The following IPO11 variants were observed in gnomAD, a reference collection of about 807,000 sequenced individuals.
The protein encoded by IPO11 is importin 11.
Under a neutral mutation model 143.2 loss-of-function variants are expected in IPO11, and 66 were observed. The observed-to-expected ratio is 0.46, with a 90% CI of 0.38 to 0.57. The LOEUF is 0.57. Among genes scored for constraint, IPO11 ranks in the 20% least tolerant of loss-of-function variants. The probability of loss-of-function intolerance (pLI) is 0.00; values close to 1 mark genes in which losing one functional copy is unlikely to be tolerated. For synonymous variants in IPO11, 385 were observed against 377.8 expected (o/e 1.02, Z -0.22); for missense variants, 1,026 against 1,141.0 (o/e 0.90, Z 1.45).
intron 8 of IPO11, 149 bp from the exon 9 acceptor site, chr5:62,476,534 G>A (rs1268602433): frequency 1.3e-6 from 1 of 780,824 alleles, no homozygotes; most frequent in South Asian, 2.1e-5. Context: ...CTGTTACTCA[G>A]TGTAAATCTT....
chr5:62,598,692 G>A lies in IPO11; in HGVS notation c.2679-3072G>A, dbSNP rs975530806. ...CCCGAGTAGCTGGGATTACAGGCACGTGCCACCACGCCTGGCTAATTATTG... is the reference window on the plus strand; with the variant it reads ...CCCGAGTAGCTGGGATTACAGGCACATGCCACCACGCCTGGCTAATTATTG... On this transcript the variant is annotated intron_variant, in intron 28 of 29. Coordinates refer to ENST00000325324, the MANE Select transcript of IPO11 (RefSeq NM_016338.5). 1.5e-4 allele frequency among the ~76,000 whole-genome samples: 22 copies of A among 150,458 alleles called. 1 individual carries two copies. Among genetic ancestry groups the A allele is most frequent in the Admixed American group, 1.3e-3 (20 of 14,986 alleles).
At chr5:62,561,614 C>A (rs928235205) in intron 27 of IPO11, among the ~76,000 whole-genome samples, 7 of 152,158 alleles carry the variant, frequency 4.6e-5, no homozygotes, top group African/African-American at 1.7e-4. Context: ...AATAGCACTT[C>A]ATAAAGTATG....
intron 26 of IPO11, among the ~76,000 whole-genome samples, chr5:62,555,526 C>T (rs1743547259): frequency 1.5e-5 from 2 of 134,864 alleles, no homozygotes; most frequent in South Asian, 4.5e-4. Flanking sequence ...TTATTTGAGA[C>T]AGAGTCTTGC....
chr5:62,414,280 A>G (rs1047521750), intron 1 of IPO11, among the ~76,000 whole-genome samples: 1 of 152,250 alleles, frequency 6.6e-6, no homozygotes, highest in Non-Finnish European at 1.5e-5. Context: ...CTATTAAAAT[A>G]CACTGAAGAT....
intron 20 of IPO11, among the ~76,000 whole-genome samples, chr5:62,521,996 C>G (rs1742217064): frequency 6.6e-6 from 1 of 152,022 alleles, no homozygotes; most frequent in South Asian, 2.1e-4. Flanking sequence ...GTCTCTGTTT[C>G]TTTTAGGGTG....
At chr5:62,426,171 G>C (rs1743734342) in intron 1 of IPO11, among the ~76,000 whole-genome samples, 1 of 152,210 alleles carries the variant, frequency 6.6e-6, no homozygotes, top group Non-Finnish European at 1.5e-5. Context: ...TGGATCACCT[G>C]AGGTCAGGAG....
intron 24 of IPO11, among the ~76,000 whole-genome samples, chr5:62,547,797 G>A (rs1743256200): frequency 6.6e-6 from 1 of 151,992 alleles, no homozygotes; most frequent in Non-Finnish European, 1.5e-5. Context: ...GCCAGCCACA[G>A]CTATGTATTA....
At chr5:62,602,854 G>C (rs889591253) in intron 29 of IPO11, among the ~76,000 whole-genome samples, 3 of 152,190 alleles carry the variant, frequency 2.0e-5, no homozygotes, top group Admixed American at 6.5e-5. Flanking sequence ...ACTATTACTT[G>C]TGACCTTGAG....
At chr5:62,598,507 T>C (rs1389743410) in intron 28 of IPO11, among the ~76,000 whole-genome samples, 1 of 7,018 alleles carries the variant, frequency 1.4e-4, no homozygotes, top group Non-Finnish European at 2.0e-4. Flanking sequence ...TCTTTCTTTC[T>C]TTCTTTCTTT....
At chr5:62,571,479 A>C (rs556250715) in intron 27 of IPO11, among the ~76,000 whole-genome samples, 1 of 152,328 alleles carries the variant, frequency 6.6e-6, no homozygotes, top group Non-Finnish European at 1.5e-5. Context: ...TCTACTGTTA[A>C]ATCAATTTGA....
intron 16 of IPO11, among the ~76,000 whole-genome samples, chr5:62,502,609 C>T (rs1252037956): frequency 6.6e-6 from 1 of 152,096 alleles, no homozygotes; most frequent in Non-Finnish European, 1.5e-5. Context: ...TCTGCACATA[C>T]TACTACACTG....
At chr5:62,580,322 C>T in intron 27 of IPO11, 1 of 1,536,998 alleles carries the variant, frequency 6.5e-7, no homozygotes, top group Non-Finnish European at 8.8e-7. Context: ...AATTCTGACA[C>T]ATTCAGTTTG....
chr5:62,572,930 G>C (rs1057386737), intron 27 of IPO11, among the ~76,000 whole-genome samples: 2 of 152,034 alleles, frequency 1.3e-5, no homozygotes, highest in Non-Finnish European at 2.9e-5. Context: ...ACTGCACATT[G>C]TTCATTTTTT....
intron 2 of IPO11, 67 bp downstream of exon 2, chr5:62,437,484 AC>A: frequency 7.2e-7 from 1 of 1,394,632 alleles, no homozygotes; most frequent in Non-Finnish European, 9.7e-7. Flanking sequence ...TTGTTTTAAA[AC>A]CCTAGTTTTA....
intron 24 of IPO11, among the ~76,000 whole-genome samples, chr5:62,541,711 T>G (rs184217200): frequency 1.3e-5 from 2 of 152,128 alleles, no homozygotes; most frequent in East Asian, 1.9e-4. Context: ...TAATTGTATT[T>G]TATTTTATTT....
At chr5:62,581,688 C>T (rs1225829462) in intron 27 of IPO11, among the ~76,000 whole-genome samples, 2 of 152,076 alleles carry the variant, frequency 1.3e-5, no homozygotes, top group African/African-American at 4.8e-5. Flanking sequence ...GACTAGAGTT[C>T]ATGCTTTCAG....
intron 1 of IPO11, among the ~76,000 whole-genome samples, chr5:62,415,614 A>C (rs1743265939): frequency 6.6e-6 from 1 of 151,576 alleles, no homozygotes; most frequent in South Asian, 2.1e-4. Flanking sequence ...GATTACCGGC[A>C]TGCACCGCCA....
At position 62,484,117 on chromosome 5, in the gene IPO11, A is replaced by T; in HGVS notation, c.1129A>T (p.Thr377Ser). Reference sequence around the variant, plus strand: ...ATTAGTCTCTCATTATTTCCTATTAACTGAAGAAGAACTGACAATGTGGGA... The same window carrying T: ...ATTAGTCTCTCATTATTTCCTATTATCTGAAGAAGAACTGACAATGTGGGA... ...RRLVSHYFLL[T>S]EEELTMWEED... The change falls in exon 11 of 30, where the codon ACT (threonine) becomes TCT (serine). Residue 377 changes from threonine to serine, a missense_variant. Thr to Ser is a moderately conservative substitution (Grantham distance 58). Transcript: ENST00000325324. 5.0e-6 allele frequency: 8 copies of T among 1,609,448 alleles called. No homozygotes were observed. Among genetic ancestry groups the T allele is most frequent in the Non-Finnish European group, 6.8e-6 (8 of 1,178,628 alleles).
chr5:62,528,229 A>C (rs994944986), intron 21 of IPO11, among the ~76,000 whole-genome samples: 2 of 152,218 alleles, frequency 1.3e-5, no homozygotes, highest in African/African-American at 4.8e-5. Context: ...ATGTTTCCTA[A>C]AAGAGGAGAA....
Sources: gnomAD v4.1 joint callset for allele counts (sites outside exome capture counted in the v4.1 genomes callset) on GRCh38, gnomAD v4.1.1 for gene constraint, MANE v1.5 for transcripts, NCBI Gene and HGNC (gene_info 2026-07-23, HGNC 2026-07-21) for gene names.